The following PPP2R5E variants were observed in gnomAD, a reference collection of about 807,000 sequenced individuals.
PPP2R5E encodes serine/threonine-protein phosphatase 2A 56 kDa regulatory subunit epsilon isoform.
In PPP2R5E, 4 loss-of-function variants were observed where a neutral mutation model predicts 65.3. The observed-to-expected ratio is 0.06, with a 90% CI of 0.03 to 0.14. The LOEUF (loss-of-function observed/expected upper bound fraction) is 0.14. Among genes scored for constraint, PPP2R5E ranks in the 10% least tolerant of loss-of-function variants. The pLI is 1.00. For synonymous variants in PPP2R5E, 183 were observed against 187.4 expected, an observed-to-expected ratio of 0.98 and a Z score of 0.19; for missense variants, 274 against 556.1, an observed-to-expected ratio of 0.49 and a Z score of 5.10.
chr14:63,448,787 C>CAAAAAAAAAAAAAAAAA lies in PPP2R5E; in HGVS notation c.354+4885_354+4901dup, dbSNP rs36096050. Among the ~76,000 whole-genome samples the CAAAAAAAAAAAAAAAAA allele has an allele frequency of 1.0e-4, 9 of 86,610 alleles. 3 individuals are homozygous for CAAAAAAAAAAAAAAAAA. Among genetic ancestry groups the CAAAAAAAAAAAAAAAAA allele is most frequent in the African/African-American group, 1.5e-4 (4 of 26,704 alleles). 56.8% of individuals were successfully genotyped at this position (86,610 alleles called of 152,430 possible). On this transcript the variant is annotated intron_variant, in intron 3 of 13. Coordinates refer to ENST00000337537, the MANE Select transcript of PPP2R5E (RefSeq NM_006246.5). ...CCTGGGTGACAGAACAAGACTTCGT[C>CAAAAAAAAAAAAAAAAA]AAAAAAAAAAAAAAAAAAAAGCAAC...
intron 2 of PPP2R5E, among the ~76,000 whole-genome samples, chr14:63,475,385 G>T (rs1890356993): frequency 6.6e-6 from 1 of 152,212 alleles, no homozygotes; most frequent in South Asian, 2.1e-4. Context: ...AGAAGGGGGT[G>T]TCTGGATATA....
rs762569001 is a variant in PPP2R5E, at chr14:63,407,569, TAG to T, written c.549+7569_549+7570del. Among the ~76,000 whole-genome samples the T allele has an allele frequency of 5.0e-3, 760 of 152,206 alleles. 16 individuals are homozygous for T. The highest frequency in any genetic ancestry group is 0.049 in the East Asian group (256 of 5,182). On this transcript the variant is annotated intron_variant, in intron 5 of 13. Coordinates refer to ENST00000337537, the MANE Select transcript of PPP2R5E (RefSeq NM_006246.5). ...ATGCTTATTTTTTTTATATAAAAAA[TAG>T]AGATATCTAAAAAATAGGAAGTGAA...
At chr14:63,528,824 C>T (rs1446622508) in intron 2 of PPP2R5E, among the ~76,000 whole-genome samples, 3 of 151,974 alleles carry the variant, frequency 2.0e-5, no homozygotes, top group African/African-American at 7.3e-5. Context: ...CGTTCATTTA[C>T]TAAGAAATAT....
Position 63,540,975 on chromosome 14 carries a change from C to T in PPP2R5E, c.-7-1283G>A, listed in dbSNP as rs1255717. On this transcript the variant is annotated intron_variant, in intron 1 of 13. Transcript: ENST00000337537. Reference sequence around the variant, plus strand: ...AGCTATTCTGTAACTGGAAAACTTCCATTGATACATTTTCCCAAGATACTT... The same window carrying T: ...AGCTATTCTGTAACTGGAAAACTTCTATTGATACATTTTCCCAAGATACTT... 0.014 allele frequency among the ~76,000 whole-genome samples: 2,141 copies of T among 152,224 alleles called. 84 individuals are homozygous for T. In the East Asian group the frequency reaches 0.15, roughly 10 times the overall value.
At chr14:63,398,558 C>T (rs181350208) in intron 5 of PPP2R5E, among the ~76,000 whole-genome samples, 163 of 152,190 alleles carry the variant, frequency 1.1e-3, no homozygotes, top group Admixed American at 1.8e-3. Context: ...TTTTGGAGGC[C>T]GAGGGGGTAG....
chr14:63,405,257 TG>T (rs1481615902), intron 5 of PPP2R5E, among the ~76,000 whole-genome samples: 1 of 152,182 alleles, frequency 6.6e-6, no homozygotes, highest in African/African-American at 2.4e-5. Context: ...GAGAGAGAAA[TG>T]TAAACATTTT....
intron 2 of PPP2R5E, among the ~76,000 whole-genome samples, chr14:63,531,115 C>T (rs994375961): frequency 2.0e-5 from 3 of 152,162 alleles, no homozygotes; most frequent in Non-Finnish European, 4.4e-5. Context: ...TTGCAGAGAG[C>T]CAAGATAGCG....
At chr14:63,507,737 T>G (rs1042020002) in intron 2 of PPP2R5E, among the ~76,000 whole-genome samples, 6 of 149,012 alleles carry the variant, frequency 4.0e-5, no homozygotes, top group African/African-American at 1.5e-4. Context: ...CCGCCACCAC[T>G]CGGCCAATTT....
intron 2 of PPP2R5E, among the ~76,000 whole-genome samples, chr14:63,460,579 A>T (rs1193176357): frequency 6.6e-6 from 1 of 152,224 alleles, no homozygotes; most frequent in African/African-American, 2.4e-5. Context: ...AACAGTATAA[A>T]ATCAGCCTTA....
At chr14:63,377,691 C>G (rs1232442065) in intron 13 of PPP2R5E, among the ~76,000 whole-genome samples, 1 of 152,070 alleles carries the variant, frequency 6.6e-6, no homozygotes, top group Non-Finnish European at 1.5e-5. Context: ...GCCTTGTTTA[C>G]CATAATTAGT....
chr14:63,390,295 GACACACAC>G (rs59239063), intron 10 of PPP2R5E, among the ~76,000 whole-genome samples: 3,175 of 140,166 alleles, frequency 0.023, 125 homozygotes, highest in African/African-American at 0.078. Context: ...ACGCATTCTC[GACACACAC>G]ACACACACAC....
chr14:63,497,381 A>G (rs1180512119), intron 2 of PPP2R5E, among the ~76,000 whole-genome samples: 1 of 152,126 alleles, frequency 6.6e-6, no homozygotes, highest in African/African-American at 2.4e-5. Context: ...GACTACAAGC[A>G]TCATCTCTGG....
chr14:63,495,145 G>A (rs1300037288), intron 2 of PPP2R5E, among the ~76,000 whole-genome samples: 1 of 151,764 alleles, frequency 6.6e-6, no homozygotes, highest in Non-Finnish European at 1.5e-5. Flanking sequence ...GGAGGTTGCA[G>A]TGAGCCAAGA....
intron 3 of PPP2R5E, among the ~76,000 whole-genome samples, chr14:63,433,032 G>GTTT (rs747571866): frequency 3.0e-3 from 285 of 96,428 alleles, no homozygotes; most frequent in Middle Eastern, 7.8e-3. Context: ...GTTTTGTTTT[G>GTTT]TTTTTTTTTT....
intron 2 of PPP2R5E, among the ~76,000 whole-genome samples, chr14:63,484,872 A>G (rs1890903110): frequency 6.6e-6 from 1 of 152,216 alleles, no homozygotes; most frequent in Non-Finnish European, 1.5e-5. Flanking sequence ...AGGAATCCTA[A>G]GCAGCAAAGA....
rs1445987660 is a variant in PPP2R5E at position 63,397,569 on chromosome 14, G to GA, written c.550-854dup. Among the ~76,000 whole-genome samples the GA allele has an allele frequency of 4.6e-5, 6 of 131,750 alleles. No individual in the cohort carries two copies. In the East Asian group the frequency reaches 7.2e-4, roughly 16 times the overall value. 86.4% of individuals were successfully genotyped at this position (131,750 alleles called of 152,430 possible). Reference sequence around the variant, plus strand: ...GCTCTACTAGAACATCTAGGAAAATGAAAAAACCTGAATCAAAACAAACAT... The same window carrying GA: ...GCTCTACTAGAACATCTAGGAAAATGAAAAAAACCTGAATCAAAACAAACAT... On this transcript the variant is annotated intron_variant, in intron 5 of 13. Coordinates refer to ENST00000337537, the MANE Select transcript of PPP2R5E (RefSeq NM_006246.5).
intron 2 of PPP2R5E, chr14:63,508,053 G>A: frequency 1.3e-6 from 1 of 765,550 alleles, no homozygotes; most frequent in South Asian, 5.9e-5. Flanking sequence ...GGGATCCAAT[G>A]TAATAGCCTG....
chr14:63,492,888 T>A (rs1448027149), intron 2 of PPP2R5E, among the ~76,000 whole-genome samples: 1 of 152,124 alleles, frequency 6.6e-6, no homozygotes, highest in Non-Finnish European at 1.5e-5. Flanking sequence ...AGAAATTGCG[T>A]CTTTAGACAA....
chr14:63,502,421 T>C (rs1225536803), intron 2 of PPP2R5E, among the ~76,000 whole-genome samples: 1 of 152,150 alleles, frequency 6.6e-6, no homozygotes, highest in African/African-American at 2.4e-5. Context: ...CTCACGCCTG[T>C]AATCCCAGAA....
Sources: gnomAD v4.1 joint callset for allele counts (sites outside exome capture counted in the v4.1 genomes callset) on GRCh38, gnomAD v4.1.1 for gene constraint, MANE v1.5 for transcripts, NCBI Gene and HGNC (gene_info 2026-07-23, HGNC 2026-07-21) for gene names.